Variants in CDC27 observed in about 807,000 individuals in gnomAD.
The protein encoded by CDC27 is cell division cycle protein 27 homolog.
In CDC27, 27 loss-of-function variants were observed where a neutral mutation model predicts 109.7. The observed-to-expected ratio is 0.25, with a 90% CI of 0.18 to 0.34. The LOEUF is 0.34. CDC27 is among the 10% of genes least tolerant of loss of function. The pLI, the probability that CDC27 is intolerant of heterozygous loss-of-function variation, is 1.00. For synonymous variants in CDC27, 266 were observed against 333.9 expected (o/e 0.80, Z 2.22); for missense variants, 579 against 960.2 (o/e 0.60, Z 5.25).
In CDC27 at chr17:47,123,924, C is replaced by T. The variant is rs1271285553; in HGVS notation, c.2197G>A (p.Val733Ile). The change falls in exon 17 of 19, where the codon GTT becomes ATT. Residue 733 changes from valine to isoleucine, a missense_variant. Physicochemically the swap from Val to Ile is conservative, Grantham distance 29. This residue lies in a region of CDC27 where 227 missense variants were observed against 363.6 expected (regional missense o/e 0.62). Coordinates refer to ENST00000066544, the MANE Select transcript of CDC27 (RefSeq NM_001256.6). ...AAGTAAACGAGGGATTCTTTGGGAA[C>T]AATTTGTTTCAATTCTTCAAGTTCT... ...LQELEELKQI[V>I]PKESLVYFLI... 3 of 1,603,820 alleles carry T rather than the reference C, an allele frequency of 1.9e-6. No homozygotes were observed. The highest frequency in any genetic ancestry group is 4.5e-5 in the East Asian group (2 of 44,520).
At chr17:47,178,223 T>A (rs569823557) in intron 2 of CDC27, among the ~76,000 whole-genome samples, 2 of 152,130 alleles carry the variant, frequency 1.3e-5, no homozygotes, top group South Asian at 4.2e-4. Flanking sequence ...TATTAGAGTG[T>A]ATCATATCTA....
intron 2 of CDC27, among the ~76,000 whole-genome samples, chr17:47,179,851 T>C (rs1193343804): frequency 6.6e-6 from 1 of 152,230 alleles, no homozygotes; most frequent in African/African-American, 2.4e-5. Context: ...ACCAATTCTA[T>C]GGGAAAATCT....
intron 14 of CDC27, among the ~76,000 whole-genome samples, chr17:47,134,880 T>C (rs1213961314): frequency 6.6e-6 from 1 of 151,240 alleles, no homozygotes; most frequent in East Asian, 1.9e-4. Flanking sequence ...CAGCTTCAGC[T>C]TCCTAAAGTG....
chr17:47,128,504 A>G (rs955968922), intron 16 of CDC27, among the ~76,000 whole-genome samples: 1 of 152,204 alleles, frequency 6.6e-6, no homozygotes, highest in Non-Finnish European at 1.5e-5. Flanking sequence ...AAAGAGAAAG[A>G]CACATCAGAC....
chr17:47,123,402 C>CTTTTTTTTTTTTTTTTTTTTT (rs57868315), intron 17 of CDC27, among the ~76,000 whole-genome samples: 3 of 123,002 alleles, frequency 2.4e-5, no homozygotes, highest in Non-Finnish European at 3.3e-5. Flanking sequence ...TTTTTTTCTA[C>CTTTTTTTTTTTTTTTTTTTTT]TTTTTTTTTT....
intron 17 of CDC27, 73 bp from the exon 18 acceptor site, chr17:47,122,673 T>C (rs1237240211): frequency 3.9e-6 from 4 of 1,036,780 alleles, no homozygotes; most frequent in African/African-American, 3.3e-5. Flanking sequence ...ACTATATATA[T>C]ACTTATTTAT....
At chr17:47,135,951 T>C (rs2062572274) in intron 14 of CDC27, among the ~76,000 whole-genome samples, 1 of 152,014 alleles carries the variant, frequency 6.6e-6, no homozygotes, top group African/African-American at 2.4e-5. Context: ...CCATCCTGGC[T>C]AACATGGTGA....
At chr17:47,133,692 C>T (rs1188756184) in intron 14 of CDC27, among the ~76,000 whole-genome samples, 8 of 152,076 alleles carry the variant, frequency 5.3e-5, no homozygotes, top group Non-Finnish European at 8.8e-5. Flanking sequence ...CCCGCCTCGG[C>T]CTCGGCCTCC....
intron 1 of CDC27, among the ~76,000 whole-genome samples, chr17:47,182,315 C>T (rs2064273435): frequency 6.6e-6 from 1 of 152,008 alleles, no homozygotes; most frequent in Non-Finnish European, 1.5e-5. Flanking sequence ...AACATATAAC[C>T]TAAAGTATAT....
At chr17:47,164,490 G>C (rs887225228) in intron 4 of CDC27, among the ~76,000 whole-genome samples, 1 of 152,140 alleles carries the variant, frequency 6.6e-6, no homozygotes, top group African/African-American at 2.4e-5. Flanking sequence ...CCATAGTACA[G>C]TTATCAAAAC....
intron 1 of CDC27, 124 bp downstream of exon 1, chr17:47,189,022 A>C (rs989659856): frequency 2.4e-5 from 36 of 1,508,756 alleles, no homozygotes; most frequent in Non-Finnish European, 3.1e-5. Context: ...TAGGCAGGAC[A>C]CGGCAGCAGG....
chr17:47,181,423 G>C (rs1027308217), intron 2 of CDC27, 139 bp downstream of exon 2: 2 of 493,232 alleles, frequency 4.1e-6, no homozygotes, highest in Non-Finnish European at 7.4e-6. Context: ...CAGAAAAAAA[G>C]TAAAGATTTT....
intron 16 of CDC27, among the ~76,000 whole-genome samples, chr17:47,125,076 G>A (rs1319525310): frequency 6.6e-6 from 1 of 150,884 alleles, no homozygotes; most frequent in Non-Finnish European, 1.5e-5. Context: ...TACCTGTAAT[G>A]CCTAATTTTG....
chr17:47,137,501 TCA>T (rs1325043068), intron 13 of CDC27, 141 bp from the exon 14 acceptor site: 4 of 505,822 alleles, frequency 7.9e-6, no homozygotes, highest in Non-Finnish European at 6.8e-6. Flanking sequence ...TTCTAATTAT[TCA>T]CAGATTCCAT....
chr17:47,161,549 G>A (rs1219762266), intron 4 of CDC27, among the ~76,000 whole-genome samples: 6 of 152,036 alleles, frequency 3.9e-5, no homozygotes, highest in African/African-American at 7.2e-5. Flanking sequence ...TCAGGAGTTC[G>A]AGACCAGCCT....
intron 14 of CDC27, among the ~76,000 whole-genome samples, chr17:47,132,637 C>T (rs2062380366): frequency 6.6e-6 from 1 of 151,156 alleles, no homozygotes; most frequent in Non-Finnish European, 1.5e-5. Flanking sequence ...CCAATCATAG[C>T]TCACTGCATC....
At chr17:47,153,328 A>C (rs534646408) in intron 8 of CDC27, among the ~76,000 whole-genome samples, 65 of 152,300 alleles carry the variant, frequency 4.3e-4, no homozygotes, top group Middle Eastern at 3.4e-3. Flanking sequence ...TGCTCTGGTT[A>C]TTATGGTTAT....
At position 47,137,235 on chromosome 17, in the gene CDC27, C is replaced by T. The variant is rs1179672085; in HGVS notation, c.1830G>A (p.Glu610=). 4.3e-6 allele frequency: 7 copies of T among 1,611,950 alleles called. No individual in the cohort carries two copies. Among genetic ancestry groups the T allele is most frequent in the East Asian group, 2.2e-5 (1 of 44,872 alleles). The change falls in exon 14 of 19, where the codon GAG becomes GAA. Residue 610 remains glutamate, a synonymous_variant. Transcript: ENST00000066544. ...YAYAYTLLGH[E]FVLTEELDKA... ...TGTCCAATTCTTCAGTTAAGACAAACTCATGCCCTAATAGAGTATAGGCAT... is the reference window on the plus strand; with the variant it reads ...TGTCCAATTCTTCAGTTAAGACAAATTCATGCCCTAATAGAGTATAGGCAT...
chr17:47,162,030 T>C (rs1331041154), intron 4 of CDC27: 1 of 152,202 alleles, frequency 6.6e-6, no homozygotes, highest in Non-Finnish European at 1.5e-5. Context: ...ATCTAAAGCT[T>C]AGTAAATTCA....
Sources: allele counts gnomAD v4.1 joint callset (sites outside exome capture counted in the v4.1 genomes callset), GRCh38; gene constraint gnomAD v4.1.1; regional missense constraint gnomAD v4.1.1; transcripts MANE v1.5; gene names NCBI Gene and HGNC (gene_info 2026-07-23, HGNC 2026-07-21).